Variants in PRAMEF27 observed in about 807,000 individuals in gnomAD.
The protein encoded by PRAMEF27 is PRAME family member 27.
PRAMEF27 carries 5 observed loss-of-function variants against 21.0 expected under a neutral mutation model. The observed-to-expected ratio is 0.24, with a 90% CI of 0.12 to 0.50. The LOEUF is 0.50. PRAMEF27 is among the 20% of genes least tolerant of loss of function. The probability of loss-of-function intolerance (pLI) is 0.98; values close to 1 mark genes in which losing one functional copy is unlikely to be tolerated. For synonymous variants in PRAMEF27, 61 were observed against 211.2 expected (o/e 0.29, Z 6.17); for missense variants, 138 against 541.4 (o/e 0.25, Z 7.39).
intron 1 of PRAMEF27, 156 bp from the exon 2 acceptor site, chr1:13,053,831 A>G (rs1642230100): frequency 9.4e-7 from 1 of 1,067,020 alleles, no homozygotes; most frequent in Admixed American, 2.7e-5. Flanking sequence ...TTAAGCCAGC[A>G]TTGTGCCTCT....
intron 3 of PRAMEF27, 47 bp from the exon 4 acceptor site, chr1:13,050,416 A>G (rs1642190356): frequency 1.0e-6 from 1 of 954,352 alleles, no homozygotes; most frequent in Non-Finnish European, 1.5e-6. Context: ...CATAGGGGTG[A>G]GTGGAGGGTG....
chr1:13,055,551 C>G (rs1233051389), intron 1 of PRAMEF27: 2 of 141,412 alleles, frequency 1.4e-5, no homozygotes, highest in Admixed American at 1.4e-4. Context: ...CAGGCAGGCA[C>G]CCCCCACAGC....
intron 1 of PRAMEF27, chr1:13,056,037 C>T (rs1370130480): frequency 8.4e-6 from 1 of 118,630 alleles, no homozygotes. Context: ...GTCTGGGCAA[C>T]ACAGTGAGAC....
In PRAMEF27 at chr1:13,056,401, A is replaced by G. The variant is rs1642247371; in HGVS notation, c.-17+13T>C. On this transcript the variant is annotated intron_variant, in intron 1 of 3. Transcript: ENST00000436041. ...GTCAGATGGGAGTGTCCTTACAGAA[A>G]TTAGTGACTTACCAGATCTGGATGT... The G allele has an allele frequency of 7.8e-6, 1 of 128,156 alleles. No homozygotes were observed. The highest frequency in any genetic ancestry group is 7.1e-5 in the Admixed American group (1 of 14,068). The allele number at this position is 128,156 out of a possible 1,614,324, so 7.9% of individuals were successfully genotyped here.
At position 13,050,015 on chromosome 1, in the gene PRAMEF27, T is replaced by A; in HGVS notation, c.1230A>T (p.Leu410Phe). 1 of 1,392,262 alleles carries A rather than the reference T, an allele frequency of 7.2e-7. No individual in the cohort carries two copies. The highest frequency in any genetic ancestry group is 9.6e-7 in the Non-Finnish European group (1 of 1,044,154). 86.2% of individuals were successfully genotyped at this position (1,392,262 alleles called of 1,614,324 possible). A position where few individuals can be genotyped will look rare whatever the true frequency, so the allele number is the denominator to read the frequency against. The change falls in exon 4 of 4, where the codon TTA becomes TTT. Residue 410 changes from leucine (L) to phenylalanine (F), a missense_variant. Coordinates refer to ENST00000436041, the MANE Select transcript of PRAMEF27 (RefSeq NM_001300891.2). ...LLSHTIILKN[L>F]CVEVYPAPRE... ...GCGGGGCAGGATACACCTCCACGCA[T>A]AAGTTTTTGAGTATGATTGTGTGGC...
chr1:13,055,331 A>T (rs1642235228), intron 1 of PRAMEF27: 1 of 51,648 alleles, frequency 1.9e-5, no homozygotes, highest in South Asian at 8.7e-4. Flanking sequence ...AAAGACAGAG[A>T]TGACAGTCCC....
rs1417915104 is a variant in PRAMEF27 at position 13,053,612 on chromosome 1, C to T, written c.48G>A (p.Gly16=). ...RTPPRLLELA[G]RSLLRDQALA... is the part of the protein sequence containing the mutation. ...AGGCTTGGTCCCTCAGCAGGCTCCG[C>T]CCCGCAAGCTCCAGGAGTCTGGGTG... The change falls in exon 2 of 4, where the codon GGG becomes GGA. Residue 16 remains glycine (G), a synonymous_variant. Transcript: ENST00000436041. The T allele has an allele frequency of 3.1e-6, 5 of 1,596,196 alleles. No homozygotes were observed. The highest frequency in any genetic ancestry group is 1.6e-5 in the African/African-American group (1 of 60,862).
chr1:13,051,630 GAAA>G (rs1316849734), intron 3 of PRAMEF27: 1 of 116,502 alleles, frequency 8.6e-6, no homozygotes, highest in Non-Finnish European at 1.6e-5. Flanking sequence ...ATTCATCTCA[GAAA>G]AAAAAAAAGT....
chr1:13,055,604 T>G (rs1229960652), intron 1 of PRAMEF27: 2 of 150,652 alleles, frequency 1.3e-5, no homozygotes, highest in Non-Finnish European at 2.9e-5. Context: ...TGGTTTAAAA[T>G]TAAGGTCAAA....
intron 1 of PRAMEF27, chr1:13,056,075 G>C (rs1430592433): frequency 8.5e-6 from 1 of 117,426 alleles, no homozygotes; most frequent in East Asian, 2.3e-4. Context: ...AAAAAACGTT[G>C]TGTAGAGGAG....
intron 1 of PRAMEF27, chr1:13,053,968 C>CCCCAATCAGTA: frequency 2.3e-6 from 1 of 444,292 alleles, no homozygotes; most frequent in Non-Finnish European, 3.7e-6. Flanking sequence ...CCCCTCCTAC[C>CCCCAATCAGTA]ATTGGGGGAA....
At position 13,049,966 on chromosome 1, in the gene PRAMEF27, T is replaced by A. The variant is rs1642184743; in HGVS notation, c.1279A>T (p.Thr427Ser). 25 of 1,423,962 alleles carry A rather than the reference T, an allele frequency of 1.8e-5. 6 individuals are homozygous for A. The highest frequency in any genetic ancestry group is 2.3e-5 in the Non-Finnish European group (25 of 1,083,894). 88.2% of individuals were successfully genotyped at this position (1,423,962 alleles called of 1,614,324 possible). A position where few individuals can be genotyped will look rare whatever the true frequency, so the allele number is the denominator to read the frequency against. ...TGAGCAAATCTGTTCCAGCAGAGAG[T>A]ACCATCAGCACCATAACTCTCCCGC... ...APRESYGADG[T>S]LCWNRFAQIR... The change falls in exon 4 of 4, where the codon ACT (threonine) becomes TCT (serine). Residue 427 changes from threonine (T) to serine (S), a missense_variant. Physicochemically the swap from Thr to Ser is moderately conservative, Grantham distance 58. Transcript: ENST00000436041.
chr1:13,053,381 T>C lies in PRAMEF27; in HGVS notation c.279A>G (p.Gln93=), dbSNP rs1419753680. The change falls in exon 2 of 4, where the codon CAA becomes CAG. Residue 93 remains glutamine (Q), a synonymous_variant. Transcript: ENST00000436041. ...GGCCACCTCACCTGGGACAAACCCC[T>C]TGGGTAAGCAGTGCATCAAGCCCAT... ...VLDGLDALLT[Q]GVCPRRWKLQ... 4 of 1,484,076 alleles carry C rather than the reference T, an allele frequency of 2.7e-6. No homozygotes were observed. Among genetic ancestry groups the C allele is most frequent in the Middle Eastern group, 2.0e-4 (1 of 4,908 alleles). 91.9% of individuals were successfully genotyped at this position (1,484,076 alleles called of 1,614,324 possible).
At chr1:13,055,665 T>A (rs2100240168) in intron 1 of PRAMEF27, 1 of 150,934 alleles carries the variant, frequency 6.6e-6, no homozygotes, top group South Asian at 2.1e-4. Context: ...TGTCTCTCTT[T>A]TGCCCAGGCT....
intron 1 of PRAMEF27, 110 bp downstream of exon 1, chr1:13,056,304 T>TAAAAA (rs1228900898): frequency 1.8e-5 from 2 of 110,248 alleles, no homozygotes; most frequent in African/African-American, 1.3e-4. Context: ...TATATATATA[T>TAAAAA]AAAAAAGGAC....
intron 1 of PRAMEF27, chr1:13,056,049 C>T (rs1396011326): frequency 1.7e-5 from 2 of 117,948 alleles, no homozygotes; most frequent in Non-Finnish European, 3.1e-5. Flanking sequence ...CAGTGAGACT[C>T]CATCTCCACC....
chr1:13,051,067 G>T (rs1256202924), intron 3 of PRAMEF27: 1 of 147,000 alleles, frequency 6.8e-6, no homozygotes, highest in African/African-American at 2.6e-5. Context: ...AGGCGTCCCT[G>T]CCATGCCTGT....
chr1:13,055,981 A>C, intron 1 of PRAMEF27: 1 of 118,374 alleles, frequency 8.4e-6, no homozygotes, highest in East Asian at 2.2e-4. Context: ...GCTTGAACCC[A>C]GGAGTTAAAG....
chr1:13,055,549 C>A (rs1410611850), intron 1 of PRAMEF27: 3 of 141,654 alleles, frequency 2.1e-5, no homozygotes, highest in Non-Finnish European at 3.0e-5. Flanking sequence ...TACAGGCAGG[C>A]ACCCCCCACA....
Sources: allele counts gnomAD v4.1 joint callset, GRCh38; gene constraint gnomAD v4.1.1; transcripts MANE v1.5; gene names NCBI Gene and HGNC (gene_info 2026-07-23, HGNC 2026-07-21).